RELN: variants seen among roughly 807,000 people sequenced by gnomAD.
The protein encoded by RELN is reelin.
Under a neutral mutation model 427.6 loss-of-function variants are expected in RELN, and 108 were observed. The observed-to-expected ratio is 0.25, with a 90% CI of 0.22 to 0.30. The LOEUF (loss-of-function observed/expected upper bound fraction) is 0.30, where lower values mean the gene tolerates loss of function less well. RELN is among the 10% of genes least tolerant of loss of function. RELN has a pLI of 1.00. For synonymous variants in RELN, 1,524 were observed against 1,513.4 expected, an observed-to-expected ratio of 1.01 and a Z score of -0.16; for missense variants, 3,715 against 4,302.8, an observed-to-expected ratio of 0.86 and a Z score of 3.82.
intron 2 of RELN, among the ~76,000 whole-genome samples, chr7:103,908,053 G>A (rs1026728275): frequency 6.6e-6 from 1 of 152,074 alleles, no homozygotes; most frequent in Non-Finnish European, 1.5e-5. Context: ...AGAACATGAG[G>A]TGGACACCTG....
chr7:103,555,460 A>C (rs1830501781), intron 38 of RELN, among the ~76,000 whole-genome samples: 1 of 152,170 alleles, frequency 6.6e-6, no homozygotes, highest in Admixed American at 6.5e-5. Flanking sequence ...TCAATGAAAA[A>C]ATAATTAGGT....
At chr7:103,491,856 T>TCTCTCACTCA in intron 58 of RELN, 97 bp downstream of exon 58, 1 of 284,944 alleles carries the variant, frequency 3.5e-6, no homozygotes, top group Non-Finnish European at 6.5e-6. Context: ...TCTCTCTCTC[T>TCTCTCACTCA]CACACACACA....
intron 10 of RELN, 23 bp from the exon 11 acceptor site, chr7:103,682,284 GGGTGGCTGTTGAATT>G (rs1169687729): frequency 6.2e-7 from 1 of 1,613,690 alleles, no homozygotes; most frequent in Admixed American, 1.7e-5. Flanking sequence ...AGAGAGCACG[GGGTGGCTGTTGAATT>G]GGTGTTGTAG....
At chr7:103,885,273 A>G (rs1794699656) in intron 2 of RELN, among the ~76,000 whole-genome samples, 1 of 151,902 alleles carries the variant, frequency 6.6e-6, no homozygotes, top group African/African-American at 2.4e-5. Context: ...CAGGAGGTGG[A>G]GCTTGCAGTG....
At chr7:103,630,322 T>C (rs1832424551) in intron 19 of RELN, 146 bp from the exon 20 acceptor site, 1 of 642,464 alleles carries the variant, frequency 1.6e-6, no homozygotes, top group African/African-American at 1.8e-5. Flanking sequence ...GATGTCCAGT[T>C]TCCTGTCTGT....
intron 3 of RELN, among the ~76,000 whole-genome samples, chr7:103,794,074 G>A (rs1792237097): frequency 6.6e-6 from 1 of 152,070 alleles, no homozygotes; most frequent in Non-Finnish European, 1.5e-5. Flanking sequence ...GCCATAAACA[G>A]AAGTAATATT....
In RELN at chr7:103,612,006, C is replaced by A. The variant is rs545561988; in HGVS notation, c.2703-203G>T. Among the ~76,000 whole-genome samples, 6 of 152,126 alleles carry A rather than the reference C, an allele frequency of 3.9e-5. No homozygotes were observed. The South Asian group carries it at 1.2e-3, about 32-fold the overall frequency. On this transcript the variant is annotated intron_variant, in intron 20 of 64. Coordinates refer to ENST00000428762, the MANE Select transcript of RELN (RefSeq NM_005045.4). ...GATGAAACTTTTTTAAAAAAGTTAA[C>A]ATCTACAGTTGTCAAATGTACCTAA...
chr7:103,742,863 C>A (rs566190524), intron 6 of RELN, among the ~76,000 whole-genome samples: 1 of 152,124 alleles, frequency 6.6e-6, no homozygotes, highest in African/African-American at 2.4e-5. Context: ...GGAGAACTTC[C>A]CCAATCTAGC....
chr7:103,936,739 GACAGACACAC>G (rs1487274451), intron 1 of RELN, among the ~76,000 whole-genome samples: 12 of 92,078 alleles, frequency 1.3e-4, no homozygotes, highest in African/African-American at 4.1e-4. Context: ...CAGACAGACA[GACAGACACAC>G]ACACACACAC....
chr7:103,553,506 G>C lies in RELN; in HGVS notation c.6027C>G (p.Thr2009=), dbSNP rs751445947. The C allele has an allele frequency of 6.2e-7, 1 of 1,613,934 alleles. No homozygotes were observed. The highest frequency in any genetic ancestry group is 1.1e-5 in the South Asian group (1 of 91,062). Residue 2009 remains threonine (T), a synonymous_variant, in exon 40 of 65, where the codon ACC becomes ACG. Transcript: ENST00000428762. ...TCTCATTCACATTTAGGTCACGGGT[G>C]GTAATGGAATGCTCACCAACTTCAT... ...VSNEVGEHSI[T]TRDLNVNENT... is the part of the protein sequence containing the mutation.
intron 4 of RELN, among the ~76,000 whole-genome samples, chr7:103,757,772 T>C (rs2283029): frequency 0.18 from 27,740 of 152,042 alleles, 2,735 homozygotes; most frequent in African/African-American, 0.25. Flanking sequence ...TGTCAGAGGA[T>C]ACTGAATTGA....
In RELN at chr7:103,728,055, C is replaced by T; in HGVS notation, c.753+56G>A. Reference sequence around the variant, plus strand: ...AGAGCATAAGAAAAACTTTTGTTGGCAAAAAGCTCAGTAAATACTATAATG... The same window carrying T: ...AGAGCATAAGAAAAACTTTTGTTGGTAAAAAGCTCAGTAAATACTATAATG... On this transcript the variant is annotated intron_variant, in intron 7 of 64. Coordinates refer to ENST00000428762, the MANE Select transcript of RELN (RefSeq NM_005045.4). 2.5e-6 allele frequency: 4 copies of T among 1,572,764 alleles called. No individual in the cohort carries two copies. The South Asian group carries it at 4.5e-5, about 18-fold the overall frequency.
At chr7:103,666,152 C>A (rs138187462) in intron 11 of RELN, among the ~76,000 whole-genome samples, 1 of 151,922 alleles carries the variant, frequency 6.6e-6, no homozygotes. Context: ...GTAGCCTTAA[C>A]GTCTTGGGCT....
intron 9 of RELN, among the ~76,000 whole-genome samples, chr7:103,698,552 C>G (rs1439069716): frequency 6.6e-6 from 1 of 152,090 alleles, no homozygotes; most frequent in Non-Finnish European, 1.5e-5. Context: ...CTTGCTCTGT[C>G]ATATAGGCTG....
intron 3 of RELN, among the ~76,000 whole-genome samples, chr7:103,780,065 A>G (rs775949884): frequency 2.0e-4 from 31 of 152,150 alleles, no homozygotes; most frequent in Non-Finnish European, 4.3e-4. Context: ...TCTGACTTGT[A>G]TTCTCTACTC....
chr7:103,710,177 C>T (rs1789758810), intron 8 of RELN, among the ~76,000 whole-genome samples: 1 of 152,150 alleles, frequency 6.6e-6, no homozygotes, highest in South Asian at 2.1e-4. Context: ...CTGGGAGAGG[C>T]TCTAGCAATA....
At chr7:103,757,384 T>C (rs574430051) in intron 4 of RELN, among the ~76,000 whole-genome samples, 17 of 152,178 alleles carry the variant, frequency 1.1e-4, no homozygotes, top group Non-Finnish European at 2.1e-4. Flanking sequence ...TGTTTTTATC[T>C]CAACATTTTA....
intron 10 of RELN, 129 bp downstream of exon 10, chr7:103,697,724 T>C (rs1834006950): frequency 2.4e-6 from 3 of 1,232,104 alleles, no homozygotes; most frequent in Non-Finnish European, 3.4e-6. Flanking sequence ...TATAAATAAG[T>C]ATATTATCTG....
chr7:103,523,365 C>T (rs745708105), intron 47 of RELN, 26 bp downstream of exon 47: 2 of 1,613,860 alleles, frequency 1.2e-6, no homozygotes, highest in African/African-American at 1.3e-5. Flanking sequence ...GAGCTTTCAA[C>T]AGAAGGAAGA....
Sources: gnomAD v4.1 joint callset for allele counts (sites outside exome capture counted in the v4.1 genomes callset) on GRCh38, gnomAD v4.1.1 for gene constraint, MANE v1.5 for transcripts, NCBI Gene and HGNC (gene_info 2026-07-23, HGNC 2026-07-21) for gene names.